Variants in PAN3 observed in about 807,000 individuals in gnomAD.
PAN3 encodes the protein PAN2-PAN3 deadenylation complex subunit PAN3.
PAN3 carries 19 observed loss-of-function variants against 96.2 expected under a neutral mutation model. The observed-to-expected ratio is 0.20, with a 90% CI of 0.14 to 0.29. The LOEUF (loss-of-function observed/expected upper bound fraction) is 0.29. PAN3 is among the 10% of genes least tolerant of loss of function. PAN3 has a pLI of 1.00. For synonymous variants in PAN3, 433 were observed against 406.6 expected, an observed-to-expected ratio of 1.06 and a Z score of -0.78; for missense variants, 882 against 1,108.1, an observed-to-expected ratio of 0.80 and a Z score of 2.90.
At chr13:28,196,479 T>C (rs1275852295) in intron 4 of PAN3, among the ~76,000 whole-genome samples, 1 of 152,080 alleles carries the variant, frequency 6.6e-6, no homozygotes, top group African/African-American at 2.4e-5. Flanking sequence ...TATGATTTTA[T>C]TGAATAATTT....
chr13:28,197,204 G>A lies in PAN3; in HGVS notation c.710G>A (p.Gly237Glu), dbSNP rs767743339. The stretch of plus-strand genomic sequence containing the variant: ...TCCTAGCCAAGGAAGTATCGCCTGG[G>A]GATGCTGGAGGAGAGGCTAGTTCCG... ...QRRKPRKYRL[G>E]MLEERLVPMG... Residue 237 changes from glycine (G) to glutamate (E), a missense_variant, in exon 5 of 19, where the codon GGG (glycine) becomes GAG (glutamate). Gly to Glu is a moderately conservative substitution (Grantham distance 98, BLOSUM62 -2). Coordinates refer to ENST00000380958, the MANE Select transcript of PAN3 (RefSeq NM_175854.8). 1.4e-5 allele frequency: 23 copies of A among 1,612,900 alleles called. No individual in the cohort carries two copies. In the Admixed American group the frequency reaches 2.3e-4, roughly 16 times the overall value.
chr13:28,168,681 T>C (rs1252391106), intron 1 of PAN3, among the ~76,000 whole-genome samples: 1 of 151,584 alleles, frequency 6.6e-6, no homozygotes, highest in Non-Finnish European at 1.5e-5. Flanking sequence ...ATCGTGCCAC[T>C]GCATTCCAGC....
At chr13:28,216,137 G>C (rs1194139845) in intron 5 of PAN3, among the ~76,000 whole-genome samples, 1 of 148,960 alleles carries the variant, frequency 6.7e-6, no homozygotes, top group Non-Finnish European at 1.5e-5. Flanking sequence ...CGTTTTAATG[G>C]AAACAACTTG....
chr13:28,210,726 GAAATAACAATTCATT>G (rs1332397824), intron 5 of PAN3, among the ~76,000 whole-genome samples: 3 of 151,942 alleles, frequency 2.0e-5, no homozygotes, highest in Admixed American at 2.0e-4. Context: ...GAAATAAGTG[GAAATAACAATTCATT>G]AAATAACAAC....
intron 1 of PAN3, among the ~76,000 whole-genome samples, chr13:28,145,754 C>T (rs776401780): frequency 1.4e-5 from 2 of 145,484 alleles, no homozygotes; most frequent in South Asian, 4.4e-4. Context: ...CCGTGCCAAG[C>T]TAATTTTTTT....
rs1875657153 is a variant in PAN3 at position 28,180,708 on chromosome 13, G to A, written c.690+2773G>A. Among the ~76,000 whole-genome samples, 2 of 152,132 alleles carry A rather than the reference G, an allele frequency of 1.3e-5. 1 individual carries two copies. The highest frequency in any genetic ancestry group is 2.9e-5 in the Non-Finnish European group (2 of 68,020). On this transcript the variant is annotated intron_variant, in intron 4 of 18. Coordinates refer to ENST00000380958, the MANE Select transcript of PAN3 (RefSeq NM_175854.8). Reference sequence around the variant, plus strand: ...TAGCTAGTGAGGTAAATTATTTTCTGAAAATCTCAGTTGGGCCAGTCTCTG... The same window carrying A: ...TAGCTAGTGAGGTAAATTATTTTCTAAAAATCTCAGTTGGGCCAGTCTCTG...
intron 5 of PAN3, among the ~76,000 whole-genome samples, chr13:28,203,682 C>T (rs1359687036): frequency 6.6e-6 from 1 of 152,124 alleles, no homozygotes; most frequent in Non-Finnish European, 1.5e-5. Flanking sequence ...GATCTTCCAT[C>T]TTAAAGTTTA....
intron 1 of PAN3, among the ~76,000 whole-genome samples, chr13:28,139,814 A>G (rs922774732): frequency 6.6e-6 from 1 of 152,116 alleles, no homozygotes; most frequent in Non-Finnish European, 1.5e-5. Context: ...CCTGTCTTCT[A>G]TAGCTTTGTA....
chr13:28,164,656 T>C (rs1350558108), intron 1 of PAN3, among the ~76,000 whole-genome samples: 1 of 152,238 alleles, frequency 6.6e-6, no homozygotes, highest in Non-Finnish European at 1.5e-5. Context: ...TCCTGGGAAG[T>C]TGTACAGTAA....
rs79446531 is a variant in PAN3, at chr13:28,141,806, A to C, written c.430+2719A>C. On this transcript the variant is annotated intron_variant, in intron 1 of 18. Coordinates refer to ENST00000380958, the MANE Select transcript of PAN3 (RefSeq NM_175854.8). Reference sequence around the variant, plus strand: ...CAATAGGTAGAAGGGCTGAGACTTGAAAGAGGACAGGATGTAAGCAGATGA... The same window carrying C: ...CAATAGGTAGAAGGGCTGAGACTTGCAAGAGGACAGGATGTAAGCAGATGA... Among the ~76,000 whole-genome samples the C allele has an allele frequency of 6.8e-3, 1,038 of 152,244 alleles. 11 individuals carry two copies. The highest frequency in any genetic ancestry group is 0.024 in the African/African-American group (1,003 of 41,534).
chr13:28,180,990 C>T (rs929475884), intron 4 of PAN3, among the ~76,000 whole-genome samples: 2 of 151,856 alleles, frequency 1.3e-5, no homozygotes, highest in African/African-American at 4.8e-5. Flanking sequence ...TTCTCTAGAT[C>T]CTGAAGAATT....
chr13:28,271,923 A>T, intron 13 of PAN3, 58 bp from the exon 14 acceptor site: 1 of 1,212,018 alleles, frequency 8.3e-7, no homozygotes, highest in Non-Finnish European at 1.1e-6. Flanking sequence ...TTCCATGAGT[A>T]TGCAATTTTT....
intron 18 of PAN3, among the ~76,000 whole-genome samples, chr13:28,290,136 CAAT>C (rs1480080275): frequency 6.6e-6 from 1 of 152,140 alleles, no homozygotes; most frequent in Non-Finnish European, 1.5e-5. Flanking sequence ...GTAAAATAAA[CAAT>C]AAGCCAAACC....
chr13:28,289,672 G>A (rs544501205), intron 18 of PAN3, among the ~76,000 whole-genome samples: 12 of 152,192 alleles, frequency 7.9e-5, no homozygotes, highest in Non-Finnish European at 1.5e-4. Context: ...ACGAGGTCAG[G>A]AGATCGAGAC....
chr13:28,141,462 C>CTTTTTT (rs759736683), intron 1 of PAN3, among the ~76,000 whole-genome samples: 110 of 90,306 alleles, frequency 1.2e-3, no homozygotes, highest in Non-Finnish European at 1.7e-3. Context: ...TTCTTTTTTT[C>CTTTTTT]TTTTTTTTTT....
chr13:28,152,467 C>T (rs921103285), intron 1 of PAN3, among the ~76,000 whole-genome samples: 2 of 151,792 alleles, frequency 1.3e-5, no homozygotes, highest in Non-Finnish European at 2.9e-5. Context: ...GCCTGTAATC[C>T]CAGCTACTCA....
At chr13:28,290,410 G>A (rs192879108) in intron 18 of PAN3, among the ~76,000 whole-genome samples, 11 of 152,122 alleles carry the variant, frequency 7.2e-5, no homozygotes, top group East Asian at 3.9e-4. Flanking sequence ...GGCCAGGCTC[G>A]GTGTCTCACG....
chr13:28,267,385 C>G lies in PAN3; in HGVS notation c.1776C>G (p.Phe592Leu). Residue 592 changes from phenylalanine (F) to leucine (L), a missense_variant, in exon 12 of 19, where the codon TTC (phenylalanine) becomes TTG (leucine). Physicochemically the swap from Phe to Leu is conservative, Grantham distance 22. Coordinates refer to ENST00000380958, the MANE Select transcript of PAN3 (RefSeq NM_175854.8). ...HFNDPNADAY[F>L]TKRKWGQHEG... ...ATGACCCTAATGCTGATGCCTACTT[C>G]ACCAAGAGAAAGTGGGGTAAGAAAA... 1 of 1,613,166 alleles carries G rather than the reference C, an allele frequency of 6.2e-7. No individual in the cohort carries two copies. Among genetic ancestry groups the G allele is most frequent in the Non-Finnish European group, 8.5e-7 (1 of 1,179,264 alleles).
At chr13:28,225,892 C>T (rs530540063) in intron 6 of PAN3, among the ~76,000 whole-genome samples, 1 of 152,238 alleles carries the variant, frequency 6.6e-6, no homozygotes, top group Non-Finnish European at 1.5e-5. Context: ...TTCAGTTCAA[C>T]GAATTGTATA....
Sources: gnomAD v4.1 joint callset for allele counts (sites outside exome capture counted in the v4.1 genomes callset) on GRCh38, gnomAD v4.1.1 for gene constraint, MANE v1.5 for transcripts, NCBI Gene and HGNC (gene_info 2026-07-23, HGNC 2026-07-21) for gene names.